Variants in GMPR observed in about 807,000 individuals in gnomAD.
GMPR encodes the protein guanosine monophosphate reductase.
In GMPR, 31 loss-of-function variants were observed where a neutral mutation model predicts 38.4. The observed-to-expected ratio is 0.81, with a 90% confidence interval of 0.61 to 1.09. The LOEUF is 1.09. GMPR is among the 50% of genes least tolerant of loss of function. The pLI is 0.00. For synonymous variants in GMPR, 162 were observed against 173.3 expected, an observed-to-expected ratio of 0.93 and a Z score of 0.51; for missense variants, 468 against 453.7, an observed-to-expected ratio of 1.03 and a Z score of -0.29.
intron 2 of GMPR, 38 bp downstream of exon 2, chr6:16,246,999 C>G (rs1324593136): frequency 1.9e-6 from 3 of 1,604,630 alleles, no homozygotes; most frequent in Admixed American, 1.7e-5. Flanking sequence ...CTTTGCTGCT[C>G]ACACTGTGGA....
intron 3 of GMPR, among the ~76,000 whole-genome samples, chr6:16,252,252 C>CT (rs995138952): frequency 2.0e-5 from 3 of 152,054 alleles, no homozygotes; most frequent in African/African-American, 7.2e-5. Flanking sequence ...AGACCTCCCT[C>CT]TAACTTCTTT....
chr6:16,260,064 C>T (rs1180118100), intron 4 of GMPR, among the ~76,000 whole-genome samples: 5 of 152,006 alleles, frequency 3.3e-5, no homozygotes, highest in South Asian at 2.1e-4. Flanking sequence ...TAAAAAGGAG[C>T]GTCTATACAG....
chr6:16,243,469 A>G (rs1214855471), intron 1 of GMPR, among the ~76,000 whole-genome samples: 1 of 152,122 alleles, frequency 6.6e-6, no homozygotes, highest in Non-Finnish European at 1.5e-5. Flanking sequence ...AACACTGCAA[A>G]AGGCTGGGGG....
intron 4 of GMPR, among the ~76,000 whole-genome samples, chr6:16,265,782 T>TG (rs1176703285): frequency 6.6e-6 from 1 of 152,062 alleles, no homozygotes; most frequent in African/African-American, 2.4e-5. Flanking sequence ...AGCTGGCTGC[T>TG]GGAGCCAGCC....
intron 4 of GMPR, among the ~76,000 whole-genome samples, chr6:16,267,778 A>G (rs902390830): frequency 6.6e-6 from 1 of 152,112 alleles, no homozygotes; most frequent in Non-Finnish European, 1.5e-5. Context: ...TCTGGAGGAA[A>G]TAGGTGCCTG....
At chr6:16,257,652 A>G (rs930540155) in intron 4 of GMPR, among the ~76,000 whole-genome samples, 1 of 152,200 alleles carries the variant, frequency 6.6e-6, no homozygotes, top group African/African-American at 2.4e-5. Context: ...ACAACAGAAA[A>G]TTGCTCACAG....
intron 4 of GMPR, among the ~76,000 whole-genome samples, chr6:16,257,478 C>T (rs1448444780): frequency 2.0e-5 from 3 of 152,140 alleles, no homozygotes; most frequent in Non-Finnish European, 2.9e-5. Context: ...TCCTTGGTTC[C>T]TGAAGCTAAT....
chr6:16,250,393 T>C, intron 3 of GMPR, 26 bp downstream of exon 3: 4 of 1,338,230 alleles, frequency 3.0e-6, no homozygotes, highest in Non-Finnish European at 4.3e-6. Context: ...GGTTATCAAT[T>C]ACCAGTGCTG....
chr6:16,272,025 A>G lies in GMPR; in HGVS notation c.466-2390A>G, dbSNP rs899074682. On this transcript the variant is annotated intron_variant, in intron 4 of 8. Transcript: ENST00000259727. ...CAGGAGTTTGAGACCAGCCTGGCCA[A>G]CTTGGTGAAACCCCATCTCTACTAA... Among the ~76,000 whole-genome samples, 11 of 152,140 alleles carry G rather than the reference A, an allele frequency of 7.2e-5. No individual in the cohort carries two copies. In the East Asian group the frequency reaches 2.1e-3, roughly 29 times the overall value.
At chr6:16,290,306 T>C (rs1759813261) in intron 7 of GMPR, 156 bp from the exon 8 acceptor site, 1 of 699,346 alleles carries the variant, frequency 1.4e-6, no homozygotes, top group Middle Eastern at 3.0e-4. Flanking sequence ...TCTCCCTTTT[T>C]CCAGGAGGAG....
intron 6 of GMPR, among the ~76,000 whole-genome samples, chr6:16,279,566 C>T (rs577167805): frequency 6.6e-6 from 1 of 152,330 alleles, no homozygotes; most frequent in African/African-American, 2.4e-5. Context: ...TAACAGGCCA[C>T]GTATCCCATA....
intron 6 of GMPR, 142 bp from the exon 7 acceptor site, chr6:16,285,651 G>T (rs191110449): frequency 2.9e-6 from 2 of 693,046 alleles, no homozygotes. Flanking sequence ...AACAACAGCC[G>T]TGGTAGGGGA....
intron 4 of GMPR, among the ~76,000 whole-genome samples, chr6:16,264,154 C>G (rs1021045811): frequency 1.2e-4 from 18 of 151,942 alleles, no homozygotes; most frequent in Non-Finnish European, 2.4e-4. Flanking sequence ...GCTGCCTTCC[C>G]TAGTCTGTGA....
intron 2 of GMPR, among the ~76,000 whole-genome samples, chr6:16,248,317 T>A (rs1432523623): frequency 6.8e-6 from 1 of 147,214 alleles, no homozygotes; most frequent in African/African-American, 2.5e-5. Flanking sequence ...TAAAAAAAAA[T>A]TAAAAATGGT....
intron 4 of GMPR, among the ~76,000 whole-genome samples, chr6:16,256,757 G>A (rs1389276398): frequency 6.6e-6 from 1 of 152,176 alleles, no homozygotes; most frequent in Non-Finnish European, 1.5e-5. Context: ...AACCCTTGTA[G>A]ATAAGGGTGC....
At chr6:16,288,063 C>T (rs934207847) in intron 7 of GMPR, among the ~76,000 whole-genome samples, 2 of 152,218 alleles carry the variant, frequency 1.3e-5, no homozygotes, top group South Asian at 2.1e-4. Context: ...CTCAGTAGGG[C>T]TTACTCAGGG....
chr6:16,250,510 CT>C (rs1758851396), intron 3 of GMPR, 143 bp downstream of exon 3: 2 of 644,158 alleles, frequency 3.1e-6, no homozygotes, highest in Non-Finnish European at 5.6e-6. Context: ...CAGGGATTTG[CT>C]GAGAAAACTT....
intron 3 of GMPR, among the ~76,000 whole-genome samples, chr6:16,252,991 T>C (rs1393835595): frequency 6.6e-6 from 1 of 152,228 alleles, no homozygotes; most frequent in Non-Finnish European, 1.5e-5. Flanking sequence ...GGTTTAGAGA[T>C]AAGAGTTAAA....
chr6:16,266,526 G>C (rs891915862), intron 4 of GMPR, among the ~76,000 whole-genome samples: 1 of 151,064 alleles, frequency 6.6e-6, no homozygotes, highest in Non-Finnish European at 1.5e-5. Flanking sequence ...AACACGGCTG[G>C]GCGCGGTGGC....
Sources: allele counts gnomAD v4.1 joint callset (sites outside exome capture counted in the v4.1 genomes callset), GRCh38; gene constraint gnomAD v4.1.1; transcripts MANE v1.5; gene names NCBI Gene and HGNC (gene_info 2026-07-23, HGNC 2026-07-21).